The following SYN3 variants were observed in gnomAD, a reference collection of about 807,000 sequenced individuals.
SYN3 encodes synapsin III, also known as synapsin-3.
Under a neutral mutation model 65.8 loss-of-function variants are expected in SYN3, and 35 were observed. The ratio of observed to expected loss-of-function variants is 0.53; its 90% CI spans 0.41 to 0.70. The LOEUF (loss-of-function observed/expected upper bound fraction) is 0.70, where lower values mean the gene tolerates loss of function less well. SYN3 is among the 30% of genes least tolerant of loss of function. The pLI is 0.00. For synonymous variants in SYN3, 270 were observed against 292.9 expected (o/e 0.92, Z 0.80); for missense variants, 680 against 749.0 (o/e 0.91, Z 1.08).
chr22:32,811,283 G>A (rs1386678852), intron 6 of SYN3, among the ~76,000 whole-genome samples: 6 of 152,188 alleles, frequency 3.9e-5, no homozygotes, highest in African/African-American at 1.2e-4. Flanking sequence ...CGCAAAATGG[G>A]TAGAATCTTC....
chr22:32,954,055 C>A (rs746719254), intron 3 of SYN3, among the ~76,000 whole-genome samples: 1 of 152,018 alleles, frequency 6.6e-6, no homozygotes, highest in African/African-American at 2.4e-5. Context: ...TCCTGATAGT[C>A]GCCCCTTCCT....
At chr22:32,807,363 AT>A (rs1218482670) in intron 6 of SYN3, among the ~76,000 whole-genome samples, 6 of 89,106 alleles carry the variant, frequency 6.7e-5, no homozygotes, top group African/African-American at 1.5e-4. Context: ...ATAATATATA[AT>A]ATATATTATA....
intron 12 of SYN3, among the ~76,000 whole-genome samples, chr22:32,524,398 C>T (rs2146112338): frequency 6.6e-6 from 1 of 152,298 alleles, no homozygotes; most frequent in East Asian, 1.9e-4. Context: ...GCTCATTAAC[C>T]ATTCTGGAAA....
At chr22:32,949,033 T>C (rs1490972252) in intron 3 of SYN3, among the ~76,000 whole-genome samples, 4 of 152,160 alleles carry the variant, frequency 2.6e-5, no homozygotes, top group African/African-American at 9.7e-5. Context: ...GTATATATAC[T>C]TACCAGTTGA....
intron 6 of SYN3, among the ~76,000 whole-genome samples, chr22:32,766,724 C>A (rs1426726796): frequency 6.6e-6 from 1 of 152,136 alleles, no homozygotes; most frequent in African/African-American, 2.4e-5. Flanking sequence ...GTCTAGGATT[C>A]CCAGATATGC....
chr22:33,056,373 T>C (rs2054253649), intron 1 of SYN3, among the ~76,000 whole-genome samples: 1 of 151,932 alleles, frequency 6.6e-6, no homozygotes, highest in Non-Finnish European at 1.5e-5. Context: ...AATGCTCAAC[T>C]CCCCCTCCAA....
At chr22:32,518,510 T>A (rs2057819528) in intron 12 of SYN3, 176 bp from the exon 13 acceptor site, 1 of 783,740 alleles carries the variant, frequency 1.3e-6, no homozygotes, top group Non-Finnish European at 2.2e-6. Flanking sequence ...TTAAGATACA[T>A]CTGTATAATG....
At chr22:32,896,252 C>CGAGAGCAGTTT (rs902201509) in intron 4 of SYN3, among the ~76,000 whole-genome samples, 2 of 152,044 alleles carry the variant, frequency 1.3e-5, no homozygotes, top group East Asian at 1.9e-4. Flanking sequence ...GTCAGCAGTT[C>CGAGAGCAGTTT]GAGAGCAGCC....
chr22:32,988,348 A>ATAATAATAAT (rs1556084684), intron 2 of SYN3, among the ~76,000 whole-genome samples: 1 of 144,586 alleles, frequency 6.9e-6, no homozygotes, highest in African/African-American at 2.6e-5. Flanking sequence ...AATAATAATA[A>ATAATAATAAT]AATAAATAGA....
At position 33,049,732 on chromosome 22, in the gene SYN3, C is replaced by T. The variant is rs73164303; in HGVS notation, c.-163+8560G>A. Among the ~76,000 whole-genome samples, 1,406 of 152,302 alleles carry T rather than the reference C, an allele frequency of 9.2e-3. 14 individuals are homozygous for T. The highest frequency in any genetic ancestry group is 0.026 in the South Asian group (125 of 4,828). On this transcript the variant is annotated intron_variant, in intron 1 of 13. Coordinates refer to ENST00000358763, the MANE Select transcript of SYN3 (RefSeq NM_003490.4). ...AACTACTCTTACAGTGGCACAGATT[C>T]GGTGCCAGCCGCACGCAGGAGGAAA...
At chr22:33,053,920 G>A (rs2145984178) in intron 1 of SYN3, among the ~76,000 whole-genome samples, 1 of 152,300 alleles carries the variant, frequency 6.6e-6, no homozygotes, top group Non-Finnish European at 1.5e-5. Flanking sequence ...AAAGATTTGG[G>A]AGAGAAAGTG....
chr22:32,633,970 G>A (rs1351625144), intron 6 of SYN3, among the ~76,000 whole-genome samples: 1 of 152,028 alleles, frequency 6.6e-6, no homozygotes, highest in Non-Finnish European at 1.5e-5. Flanking sequence ...CAAAGACTTG[G>A]TTTTAGAAAT....
At chr22:32,615,517 T>A (rs2059506851) in intron 6 of SYN3, among the ~76,000 whole-genome samples, 1 of 146,570 alleles carries the variant, frequency 6.8e-6, no homozygotes, top group South Asian at 2.2e-4. Context: ...GGGCACAGGG[T>A]CGCAGTAAGT....
intron 6 of SYN3, chr22:32,857,170 A>G: frequency 2.8e-6 from 3 of 1,082,300 alleles, no homozygotes; most frequent in Non-Finnish European, 2.9e-6. Context: ...CTTTGGATAC[A>G]TACCCAGCAG....
At chr22:32,845,130 T>A (rs748484047) in intron 6 of SYN3, among the ~76,000 whole-genome samples, 1 of 152,104 alleles carries the variant, frequency 6.6e-6, no homozygotes, top group South Asian at 2.1e-4. Context: ...GAGGCTGAGA[T>A]TCACACTGAG....
chr22:32,646,530 G>A (rs980999616), intron 6 of SYN3, among the ~76,000 whole-genome samples: 1 of 152,158 alleles, frequency 6.6e-6, no homozygotes, highest in Non-Finnish European at 1.5e-5. Context: ...TCCGGCTAGC[G>A]CTTCTTTGTG....
At chr22:32,576,577 A>AT (rs1210018543) in intron 7 of SYN3, among the ~76,000 whole-genome samples, 7 of 151,886 alleles carry the variant, frequency 4.6e-5, no homozygotes, top group Non-Finnish European at 8.8e-5. Context: ...CCTTCAAGCC[A>AT]TTTTTTCTTG....
chr22:32,549,420 A>AT (rs2058379651), intron 7 of SYN3, among the ~76,000 whole-genome samples: 1 of 151,960 alleles, frequency 6.6e-6, no homozygotes, highest in South Asian at 2.1e-4. Context: ...CATCTGGCTA[A>AT]TTTTTTATTT....
intron 7 of SYN3, among the ~76,000 whole-genome samples, chr22:32,594,128 G>A (rs2146572877): frequency 6.6e-6 from 1 of 152,092 alleles, no homozygotes; most frequent in Middle Eastern, 3.4e-3. Flanking sequence ...GGATGGAAGA[G>A]GCAGTGGGAG....
Sources: allele counts gnomAD v4.1 joint callset (sites outside exome capture counted in the v4.1 genomes callset), GRCh38; gene constraint gnomAD v4.1.1; transcripts MANE v1.5; gene names NCBI Gene and HGNC (gene_info 2026-07-23, HGNC 2026-07-21).